Variants in ULK2 observed in about 807,000 individuals in gnomAD.
ULK2 encodes the protein serine/threonine-protein kinase ULK2.
In ULK2, 76 loss-of-function variants were observed where a neutral mutation model predicts 127.5. The ratio of observed to expected loss-of-function variants is 0.60; its 90% CI spans 0.50 to 0.72. The LOEUF (loss-of-function observed/expected upper bound fraction) is 0.72, where lower values mean the gene tolerates loss of function less well. Among genes scored for constraint, ULK2 ranks in the 30% least tolerant of loss-of-function variants. The pLI is 0.00. For missense variants in ULK2, 1,144 were observed against 1,295.9 expected, an observed-to-expected ratio of 0.88 and a Z score of 1.80; for synonymous variants, 452 against 461.9, an observed-to-expected ratio of 0.98 and a Z score of 0.28.
At chr17:19,842,369 G>T (rs1012751097) in intron 8 of ULK2, among the ~76,000 whole-genome samples, 8 of 151,396 alleles carry the variant, frequency 5.3e-5, no homozygotes, top group African/African-American at 1.9e-4. Context: ...GGCTAATTTT[G>T]TATTTTTAGT....
intron 12 of ULK2, 135 bp from the exon 13 acceptor site, chr17:19,817,055 A>T: frequency 2.9e-6 from 2 of 700,578 alleles, no homozygotes; most frequent in Non-Finnish European, 4.4e-6. Context: ...GTTTCAAAAA[A>T]ATCTCTTTGG....
intron 20 of ULK2, 96 bp from the exon 21 acceptor site, chr17:19,786,182 T>C: frequency 8.1e-7 from 1 of 1,229,184 alleles, no homozygotes; most frequent in Non-Finnish European, 1.1e-6. Context: ...ATATCAGGAG[T>C]CTAGTGGTTT....
At chr17:19,809,104 A>C (rs1346541816) in intron 14 of ULK2, among the ~76,000 whole-genome samples, 1 of 152,222 alleles carries the variant, frequency 6.6e-6, no homozygotes, top group Non-Finnish European at 1.5e-5. Flanking sequence ...AAAGGGAAAA[A>C]GCCTGTCACA....
intron 1 of ULK2, among the ~76,000 whole-genome samples, chr17:19,866,446 T>G (rs556459175): frequency 1.2e-4 from 18 of 152,068 alleles, no homozygotes; most frequent in Non-Finnish European, 2.5e-4. Context: ...AGGCAGCGGT[T>G]GCAGTGAGCG....
chr17:19,822,887 C>T (rs2041192189), intron 12 of ULK2, among the ~76,000 whole-genome samples: 2 of 151,870 alleles, frequency 1.3e-5, no homozygotes, highest in Admixed American at 1.3e-4. Flanking sequence ...GGGGTTTCAC[C>T]GTGTTAGCCA....
At chr17:19,785,248 G>A (rs570008974) in intron 21 of ULK2, among the ~76,000 whole-genome samples, 8 of 152,006 alleles carry the variant, frequency 5.3e-5, no homozygotes, top group East Asian at 1.9e-4. Context: ...AGTTTCGCTC[G>A]TTACCCAGGC....
At chr17:19,833,009 G>C (rs2041498018) in intron 10 of ULK2, among the ~76,000 whole-genome samples, 1 of 151,754 alleles carries the variant, frequency 6.6e-6, no homozygotes, top group South Asian at 2.1e-4. Context: ...TGTAATCCCA[G>C]CTACTCGGGA....
Position 19,801,698 on chromosome 17 carries a change from T to C in ULK2, c.1441+79A>G, listed in dbSNP as rs2087402419. Reference sequence around the variant, plus strand: ...GAATCACTGCCATCATGAGCCGAAGTTCCTAAAGAAAATGTGTCATGTCAG... The same window carrying C: ...GAATCACTGCCATCATGAGCCGAAGCTCCTAAAGAAAATGTGTCATGTCAG... On this transcript the variant is annotated intron_variant, in intron 16 of 26. Coordinates refer to ENST00000395544, the MANE Select transcript of ULK2 (RefSeq NM_014683.4). 8 of 1,588,838 alleles carry C rather than the reference T, an allele frequency of 5.0e-6. No homozygotes were observed. In the East Asian group the frequency reaches 1.8e-4, roughly 36 times the overall value.
At chr17:19,830,666 G>A (rs144566251) in intron 10 of ULK2, among the ~76,000 whole-genome samples, 244 of 151,092 alleles carry the variant, frequency 1.6e-3, no homozygotes, top group African/African-American at 5.3e-3. Flanking sequence ...AGGAAATAAC[G>A]GGAAAATCCA....
intron 21 of ULK2, among the ~76,000 whole-genome samples, chr17:19,785,280 C>T (rs1008465422): frequency 3.3e-5 from 5 of 152,130 alleles, no homozygotes; most frequent in East Asian, 1.9e-4. Flanking sequence ...GGCGCAATCT[C>T]GGCTCACTGC....
intron 3 of ULK2, among the ~76,000 whole-genome samples, chr17:19,856,436 G>A (rs1180862240): frequency 6.7e-6 from 1 of 149,254 alleles, no homozygotes; most frequent in Non-Finnish European, 1.5e-5. Context: ...CAAAAAATTA[G>A]CCGGGTATGG....
chr17:19,850,932 A>G (rs943991587), intron 3 of ULK2, among the ~76,000 whole-genome samples: 1 of 152,034 alleles, frequency 6.6e-6, no homozygotes, highest in African/African-American at 2.4e-5. Context: ...TAATCCCAAC[A>G]CTTTGGAAGG....
intron 3 of ULK2, among the ~76,000 whole-genome samples, chr17:19,859,288 C>T (rs1368551415): frequency 6.7e-6 from 1 of 148,424 alleles, no homozygotes; most frequent in Admixed American, 6.7e-5. Flanking sequence ...CTGAGGCAGG[C>T]GGGTCACCTG....
At chr17:19,814,456 T>TTTTTGTTTG (rs1555557158) in intron 13 of ULK2, among the ~76,000 whole-genome samples, 2 of 18,258 alleles carry the variant, frequency 1.1e-4, no homozygotes, top group African/African-American at 3.7e-4. Flanking sequence ...TTTTTTTTTT[T>TTTTTGTTTG]TTTTTTTGGA....
chr17:19,865,093 G>A (rs2042325310), intron 2 of ULK2, among the ~76,000 whole-genome samples: 1 of 152,144 alleles, frequency 6.6e-6, no homozygotes, highest in Admixed American at 6.6e-5. Flanking sequence ...ACAGGAAGCA[G>A]TTTTGAGGAA....
At chr17:19,855,353 G>A (rs986317138) in intron 3 of ULK2, among the ~76,000 whole-genome samples, 15 of 151,452 alleles carry the variant, frequency 9.9e-5, no homozygotes, top group African/African-American at 2.4e-4. Context: ...GCAGTGAGCC[G>A]AGATCGCGCC....
At chr17:19,850,643 G>A (rs552788777) in intron 3 of ULK2, among the ~76,000 whole-genome samples, 18 of 151,844 alleles carry the variant, frequency 1.2e-4, no homozygotes, top group Middle Eastern at 3.2e-3. Context: ...TGGCTAATAC[G>A]GTGAAACCCC....
At chr17:19,818,105 G>A (rs1472858759) in intron 12 of ULK2, among the ~76,000 whole-genome samples, 1 of 152,018 alleles carries the variant, frequency 6.6e-6, no homozygotes. Context: ...GGCAGATCAC[G>A]AGGTCAGGAG....
At chr17:19,836,324 G>A (rs1165762405) in intron 10 of ULK2, among the ~76,000 whole-genome samples, 2 of 152,104 alleles carry the variant, frequency 1.3e-5, no homozygotes, top group Non-Finnish European at 2.9e-5. Flanking sequence ...CAGGAGAATC[G>A]CTTGAACCCG....
Sources: gnomAD v4.1 joint callset for allele counts (sites outside exome capture counted in the v4.1 genomes callset) on GRCh38, gnomAD v4.1.1 for gene constraint, MANE v1.5 for transcripts, NCBI Gene and HGNC (gene_info 2026-07-23, HGNC 2026-07-21) for gene names.